The following UCHL5 variants were observed in gnomAD, a reference collection of about 807,000 sequenced individuals.
UCHL5 encodes the protein ubiquitin C-terminal hydrolase L5.
A neutral mutation model predicts 53.8 loss-of-function variants in UCHL5; 34 were observed. The observed-to-expected ratio is 0.63, with a 90% CI of 0.48 to 0.84. The LOEUF is 0.84. Among genes scored for constraint, UCHL5 ranks in the 40% least tolerant of loss-of-function variants. The probability of loss-of-function intolerance (pLI) is 0.00; values close to 1 mark genes in which losing one functional copy is unlikely to be tolerated. For missense variants in UCHL5, 290 were observed against 385.6 expected, an observed-to-expected ratio of 0.75 and a Z score of 2.08; for synonymous variants, 111 against 126.3, an observed-to-expected ratio of 0.88 and a Z score of 0.81.
chr1:193,043,162 A>T lies in UCHL5; in HGVS notation c.246+6584T>A, dbSNP rs1475399337. Among the ~76,000 whole-genome samples the T allele has an allele frequency of 2.8e-4, 41 of 147,632 alleles. 2 individuals carry two copies. Among genetic ancestry groups the T allele is most frequent in the African/African-American group, 8.4e-4 (34 of 40,538 alleles). ...CAGCTCTTGAATATTAAAAAAAAAA[A>T]AAAAAAAAAAAAAACCACCTATTTC... On this transcript the variant is annotated intron_variant, in intron 3 of 10. Coordinates refer to ENST00000367454, the MANE Select transcript of UCHL5 (RefSeq NM_001199261.3).
intron 3 of UCHL5, among the ~76,000 whole-genome samples, chr1:193,038,904 G>A (rs756877704): frequency 3.3e-5 from 5 of 151,668 alleles, no homozygotes; most frequent in Non-Finnish European, 7.4e-5. Context: ...GCTGAGGCAG[G>A]AGGATTGCTT....
intron 3 of UCHL5, among the ~76,000 whole-genome samples, chr1:193,038,864 T>G (rs1664557449): frequency 6.6e-6 from 1 of 150,812 alleles, no homozygotes. Context: ...CCTGTGCTAG[T>G]GCACACTTGT....
chr1:193,046,128 C>T (rs112717792), intron 3 of UCHL5, among the ~76,000 whole-genome samples: 1 of 152,120 alleles, frequency 6.6e-6, no homozygotes, highest in Non-Finnish European at 1.5e-5. Flanking sequence ...ACCTCCTGGG[C>T]TCAGGCAATC....
At chr1:193,057,811 G>A (rs1476850090) in intron 1 of UCHL5, among the ~76,000 whole-genome samples, 1 of 152,130 alleles carries the variant, frequency 6.6e-6, no homozygotes, top group Non-Finnish European at 1.5e-5. Context: ...CCTTCTGGCT[G>A]TGCTCCTCCA....
In UCHL5 at chr1:193,028,065, G is replaced by A; in HGVS notation, c.629+20C>T. 6.3e-7 allele frequency: 1 copy of A among 1,599,226 alleles called. No individual in the cohort carries two copies. Among genetic ancestry groups the A allele is most frequent in the Non-Finnish European group, 8.5e-7 (1 of 1,176,382 alleles). The stretch of plus-strand genomic sequence containing the variant: ...TTAAAAAACAGAATATTATGCCAAT[G>A]AGATTAGCTGAGCATTTACTTTTGT... On this transcript the variant is annotated intron_variant, in intron 7 of 10. Transcript: ENST00000367454.
intron 3 of UCHL5, among the ~76,000 whole-genome samples, chr1:193,036,218 A>G (rs1158947258): frequency 6.6e-6 from 1 of 150,760 alleles, no homozygotes; most frequent in Non-Finnish European, 1.5e-5. Flanking sequence ...AAGATATAAA[A>G]CCCCATAATA....
chr1:193,050,991 CTCATT>C (rs1344519515), intron 2 of UCHL5, among the ~76,000 whole-genome samples: 1 of 152,164 alleles, frequency 6.6e-6, no homozygotes, highest in Non-Finnish European at 1.5e-5. Context: ...CACAAATGAT[CTCATT>C]TCATCTAAAG....
At chr1:193,026,179 A>G (rs1029284718) in intron 7 of UCHL5, among the ~76,000 whole-genome samples, 1 of 152,164 alleles carries the variant, frequency 6.6e-6, no homozygotes, top group Non-Finnish European at 1.5e-5. Context: ...CATGTAAAAC[A>G]TTAAACTATA....
chr1:193,019,414 A>G (rs532041848), intron 10 of UCHL5, among the ~76,000 whole-genome samples: 1 of 151,848 alleles, frequency 6.6e-6, no homozygotes, highest in East Asian at 1.9e-4. Flanking sequence ...AAACATTTCA[A>G]CAATTCCAAT....
At chr1:193,022,503 C>T (rs1010339496) in intron 9 of UCHL5, among the ~76,000 whole-genome samples, 2 of 151,506 alleles carry the variant, frequency 1.3e-5, no homozygotes, top group African/African-American at 4.9e-5. Flanking sequence ...CTACTAAAAA[C>T]ACAAAAAATT....
chr1:193,043,251 T>C (rs971285900), intron 3 of UCHL5, among the ~76,000 whole-genome samples: 19 of 151,290 alleles, frequency 1.3e-4, no homozygotes, highest in Non-Finnish European at 2.8e-4. Context: ...CTAACATATT[T>C]CCTGTTCTGC....
upstream of UCHL5, chr1:193,059,467 C>T (rs779984713): frequency 8.7e-6 from 14 of 1,608,574 alleles, no homozygotes; most frequent in African/African-American, 1.3e-5. The surrounding 1 kb of genome is among the most constrained non-coding windows in gnomAD (Gnocchi z 4.9). Flanking sequence ...GACATCGAAA[C>T]TCTTCCCAGG....
chr1:193,056,754 T>C (rs1230283551), intron 1 of UCHL5, among the ~76,000 whole-genome samples: 4 of 152,166 alleles, frequency 2.6e-5, no homozygotes, highest in African/African-American at 9.7e-5. Flanking sequence ...TTTGAAAGAA[T>C]CAACAGCCAA....
At chr1:193,042,797 A>G (rs927287701) in intron 3 of UCHL5, among the ~76,000 whole-genome samples, 1 of 152,186 alleles carries the variant, frequency 6.6e-6, no homozygotes, top group African/African-American at 2.4e-5. Flanking sequence ...CAAAAGTCTC[A>G]ATCACAGCCT....
rs1461838838 is a variant in UCHL5 at position 193,012,873 on chromosome 1, T to C, written c.*3478A>G. ...AAATCACTGAATAGTTTTCAAAAAG[T>C]TAATGTAATCAAGTCAAAAATAAAA... is the stretch of plus-strand genomic sequence containing the variant. On this transcript the variant is annotated 3_prime_UTR_variant, in exon 11 of 11. Transcript: ENST00000367454. 6.6e-6 allele frequency: 1 copy of C among 152,132 alleles called. No individual in the cohort carries two copies. Among genetic ancestry groups the C allele is most frequent in the Admixed American group, 6.6e-5 (1 of 15,264 alleles). The allele number at this position is 152,132 out of a possible 1,614,324, so 9.4% of individuals were successfully genotyped here. A position where few individuals can be genotyped will look rare whatever the true frequency, so the allele number is the denominator to read the frequency against.
At chr1:193,042,450 A>T (rs983953506) in intron 3 of UCHL5, among the ~76,000 whole-genome samples, 1 of 152,212 alleles carries the variant, frequency 6.6e-6, no homozygotes, top group Non-Finnish European at 1.5e-5. Flanking sequence ...TTATAATCCC[A>T]TTCTGGGTAC....
intron 3 of UCHL5, among the ~76,000 whole-genome samples, chr1:193,035,234 C>T (rs979177670): frequency 1.3e-5 from 2 of 151,784 alleles, no homozygotes; most frequent in Admixed American, 1.3e-4. Flanking sequence ...TGTCTTTATG[C>T]CAAAGGCAAC....
At chr1:193,035,459 GA>G (rs1185176840) in intron 3 of UCHL5, among the ~76,000 whole-genome samples, 10 of 143,938 alleles carry the variant, frequency 6.9e-5, no homozygotes, top group Non-Finnish European at 1.2e-4. Context: ...TCTAAAAGAA[GA>G]AAAAAAAAAC....
chr1:193,043,172 A>AAAAAAAAAAAAAAC, intron 3 of UCHL5, among the ~76,000 whole-genome samples: 1 of 145,846 alleles, frequency 6.9e-6, no homozygotes, highest in South Asian at 2.2e-4. Flanking sequence ...AAAAAAAAAA[A>AAAAAAAAAAAAAAC]AAAACCACCT....
Sources: allele counts gnomAD v4.1 joint callset (sites outside exome capture counted in the v4.1 genomes callset), GRCh38; gene constraint gnomAD v4.1.1; non-coding constraint Gnocchi (gnomAD v3.1); transcripts MANE v1.5; gene names NCBI Gene and HGNC (gene_info 2026-07-23, HGNC 2026-07-21).